Variants in C12orf42 observed in about 807,000 individuals in gnomAD.
C12orf42 encodes uncharacterized protein C12orf42.
Under a neutral mutation model 21.6 loss-of-function variants are expected in C12orf42, and 25 were observed. That is an observed-to-expected ratio of 1.16 (90% CI 0.84 to 1.62). The LOEUF is 1.62. C12orf42 is among the 40% of genes most tolerant of loss of function. The probability of loss-of-function intolerance (pLI) is 0.00; values close to 1 mark genes in which losing one functional copy is unlikely to be tolerated. For missense variants in C12orf42, 483 were observed against 459.3 expected (o/e 1.05, Z -0.47); for synonymous variants, 174 against 175.0 (o/e 0.99, Z 0.05).
chr12:103,514,944 T>C, the C12orf42 span, among the ~76,000 whole-genome samples: 9 of 152,064 alleles, frequency 5.9e-5, no homozygotes, highest in South Asian at 1.2e-3. Flanking sequence ...CCTGAGATAA[T>C]TGGCAATGTC....
intron 10 of C12orf42, among the ~76,000 whole-genome samples, chr12:103,254,888 C>T (rs997546749): frequency 3.9e-5 from 6 of 152,160 alleles, no homozygotes; most frequent in African/African-American, 1.4e-4. Context: ...AACAAACCTG[C>T]ACATCCTGCA....
chr12:103,422,660 T>C (rs112776190), intron 2 of C12orf42, among the ~76,000 whole-genome samples: 4 of 152,078 alleles, frequency 2.6e-5, no homozygotes, highest in African/African-American at 9.7e-5. Context: ...AGCATAGAAA[T>C]TTTTTAAAGC....
chr12:103,445,647 A>T (rs1951532728), intron 2 of C12orf42, among the ~76,000 whole-genome samples: 1 of 151,798 alleles, frequency 6.6e-6, no homozygotes, highest in African/African-American at 2.4e-5. Context: ...TGTGCCCTAG[A>T]TATTCTTTCT....
chr12:103,485,292 T>G (rs974743963), intron 1 of C12orf42, among the ~76,000 whole-genome samples: 2 of 152,202 alleles, frequency 1.3e-5, no homozygotes, highest in African/African-American at 4.8e-5. Flanking sequence ...AGATGTGTGC[T>G]GTTATTTCTG....
chr12:103,532,006 CAT>C, the C12orf42 span, among the ~76,000 whole-genome samples: 2 of 152,188 alleles, frequency 1.3e-5, no homozygotes, highest in Non-Finnish European at 2.9e-5. Flanking sequence ...AAAACCTTAA[CAT>C]GTCGCATAAA....
the C12orf42 span, among the ~76,000 whole-genome samples, chr12:103,175,897 C>T: frequency 6.6e-6 from 1 of 152,308 alleles, no homozygotes; most frequent in Admixed American, 6.5e-5. Flanking sequence ...AGGATAACTA[C>T]AGCTGGCACA....
chr12:103,098,721 A>AT, the C12orf42 span, among the ~76,000 whole-genome samples: 1 of 152,248 alleles, frequency 6.6e-6, no homozygotes, highest in Non-Finnish European at 1.5e-5. Context: ...AGAAGGGTCC[A>AT]TTAGCATCTT....
chr12:103,264,646 T>C (rs11614685), downstream of C12orf42, among the ~76,000 whole-genome samples: 1,663 of 152,332 alleles, frequency 0.011, 17 homozygotes, highest in Non-Finnish European at 0.017. Flanking sequence ...TAGCAAGTTA[T>C]TTTATCTTTC....
intron 4 of C12orf42, among the ~76,000 whole-genome samples, chr12:103,314,472 T>G (rs1174150554): frequency 6.6e-6 from 1 of 152,134 alleles, no homozygotes; most frequent in Non-Finnish European, 1.5e-5. Flanking sequence ...AAGATAAATT[T>G]GATGAGCTGT....
At chr12:103,168,672 AGGATTAT>A in the C12orf42 span, among the ~76,000 whole-genome samples, 1 of 152,216 alleles carries the variant, frequency 6.6e-6, no homozygotes. Context: ...ATATACCCAA[AGGATTAT>A]AAATCATTCT....
rs943864687 is a variant in C12orf42 at position 103,293,359 on chromosome 12, A to G, written n.338-16149T>C. On this transcript the variant is annotated intron_variant and non_coding_transcript_variant, in intron 4 of 6. Coordinates refer to the C12orf42 transcript ENST00000546526. The stretch of plus-strand genomic sequence containing the variant: ...TAAGGACCGTTTCCTCTACCTAACT[A>G]TGTTTATAATGTTGTATTCTATTCC... Among the ~76,000 whole-genome samples, 7 of 152,160 alleles carry G rather than the reference A, an allele frequency of 4.6e-5. No homozygotes were observed. The East Asian group carries it at 5.8e-4, about 13-fold the overall frequency.
the C12orf42 span, among the ~76,000 whole-genome samples, chr12:103,220,175 C>G: frequency 6.6e-6 from 1 of 152,082 alleles, no homozygotes; most frequent in Non-Finnish European, 1.5e-5. Context: ...AAACCAAACG[C>G]CACACGTACT....
the C12orf42 span, among the ~76,000 whole-genome samples, chr12:103,525,493 C>A: frequency 6.6e-6 from 1 of 152,288 alleles, no homozygotes; most frequent in African/African-American, 2.4e-5. Context: ...GATGATGGAT[C>A]AAGCTTGGCA....
the C12orf42 span, among the ~76,000 whole-genome samples, chr12:103,138,524 T>A: frequency 1.3e-5 from 2 of 152,230 alleles, no homozygotes; most frequent in East Asian, 3.8e-4. Context: ...TGTGGAATTT[T>A]GAGTCAATTA....
intron 5 of C12orf42, 113 bp from the exon 6 acceptor site, chr12:103,302,672 A>C (rs1188802596): frequency 6.1e-6 from 4 of 654,602 alleles, no homozygotes; most frequent in Non-Finnish European, 9.3e-6. Context: ...ATGTGCTCAG[A>C]GGGGAAAGAA....
intron 2 of C12orf42, among the ~76,000 whole-genome samples, chr12:103,403,745 T>C (rs1258735461): frequency 2.0e-5 from 3 of 152,220 alleles, no homozygotes; most frequent in South Asian, 2.1e-4. Flanking sequence ...TCAGTTCTCC[T>C]TCTCCATGGA....
intron 5 of C12orf42, among the ~76,000 whole-genome samples, chr12:103,276,031 C>G (rs1488641765): frequency 6.6e-6 from 1 of 152,132 alleles, no homozygotes; most frequent in Non-Finnish European, 1.5e-5. Context: ...TATGATCATG[C>G]CTCCGCACTC....
chr12:103,242,861 C>T (rs2033817237), intron 10 of C12orf42, among the ~76,000 whole-genome samples: 1 of 152,032 alleles, frequency 6.6e-6, no homozygotes, highest in Admixed American at 6.6e-5. Flanking sequence ...ATTAGATTTT[C>T]CCAGTGCATT....
At position 103,396,271 on chromosome 12, in the gene C12orf42, GCAGTTTC is replaced by G. The variant is rs564059255; in HGVS notation, c.147+5329_147+5335del. 3.7e-3 allele frequency among the ~76,000 whole-genome samples: 562 copies of G among 152,078 alleles called. 3 individuals carry two copies. Among genetic ancestry groups the G allele is most frequent in the Non-Finnish European group, 6.5e-3 (441 of 68,002 alleles). On this transcript the variant is annotated intron_variant, in intron 3 of 5. Coordinates refer to ENST00000548883, the MANE Select transcript of C12orf42 (RefSeq NM_198521.5). ...CACAAGATCTGATGGTTTAAAAGTG[GCAGTTTC>G]CCTTGCACTCTCTCTCCTGACACCT... is the stretch of plus-strand genomic sequence containing the variant.
Sources: allele counts gnomAD v4.1 joint callset (sites outside exome capture counted in the v4.1 genomes callset), GRCh38; gene constraint gnomAD v4.1.1; transcripts MANE v1.5; gene names NCBI Gene and HGNC (gene_info 2026-07-23, HGNC 2026-07-21).